The following ADGRB3 variants were observed in gnomAD, a reference collection of about 807,000 sequenced individuals.
ADGRB3 encodes the protein brain-specific angiogenesis inhibitor 3.
A neutral mutation model predicts 193.4 loss-of-function variants in ADGRB3; 37 were observed. The observed-to-expected ratio is 0.19, with a 90% confidence interval of 0.15 to 0.25. The LOEUF (loss-of-function observed/expected upper bound fraction) is 0.25. ADGRB3 is among the 10% of genes least tolerant of loss of function. ADGRB3 has a pLI of 1.00. For missense variants in ADGRB3, 1,637 were observed against 1,852.9 expected, an observed-to-expected ratio of 0.88 and a Z score of 2.14; for synonymous variants, 690 against 644.2, an observed-to-expected ratio of 1.07 and a Z score of -1.08.
chr6:69,218,084 AAG>A (rs1457802768), intron 17 of ADGRB3, among the ~76,000 whole-genome samples: 75 of 150,142 alleles, frequency 5.0e-4, no homozygotes, highest in South Asian at 4.6e-3. Context: ...AAAAAAAAAA[AAG>A]AAGAAGTCAA....
chr6:68,704,417 T>A (rs1765291695), intron 3 of ADGRB3, among the ~76,000 whole-genome samples: 1 of 152,226 alleles, frequency 6.6e-6, no homozygotes, highest in Non-Finnish European at 1.5e-5. Flanking sequence ...GCAACAAATT[T>A]GAATTCACCT....
intron 10 of ADGRB3, among the ~76,000 whole-genome samples, chr6:68,989,634 A>G (rs1193202205): frequency 6.6e-6 from 1 of 152,172 alleles, no homozygotes; most frequent in Non-Finnish European, 1.5e-5. Flanking sequence ...TTTACAGATA[A>G]ATGAAATAAT....
chr6:69,191,861 T>G (rs186880941), intron 17 of ADGRB3, among the ~76,000 whole-genome samples: 69 of 152,148 alleles, frequency 4.5e-4, no homozygotes, highest in African/African-American at 1.7e-3. Flanking sequence ...AGTACAAGAT[T>G]TGAGGGTTGG....
chr6:68,914,220 C>A (rs1239937210), intron 3 of ADGRB3, among the ~76,000 whole-genome samples: 1 of 150,394 alleles, frequency 6.6e-6, no homozygotes, highest in African/African-American at 2.4e-5. Context: ...TCGAGAAGAG[C>A]AACTCCAAGA....
chr6:69,067,234 G>C (rs889836366), intron 16 of ADGRB3, among the ~76,000 whole-genome samples: 1 of 152,084 alleles, frequency 6.6e-6, no homozygotes, highest in Admixed American at 6.6e-5. Context: ...TGAGATAAAT[G>C]CGTTATGTTT....
intron 20 of ADGRB3, among the ~76,000 whole-genome samples, chr6:69,294,920 A>G (rs758212242): frequency 9.3e-4 from 141 of 152,160 alleles, no homozygotes; most frequent in Non-Finnish European, 3.8e-4. Flanking sequence ...TTCATATTCT[A>G]TATCACCTTG....
intron 3 of ADGRB3, among the ~76,000 whole-genome samples, chr6:68,744,984 T>C (rs761075853): frequency 3.3e-5 from 5 of 152,054 alleles, no homozygotes; most frequent in Non-Finnish European, 7.4e-5. Context: ...AGGCCTCAAA[T>C]ACAATAAAAA....
intron 17 of ADGRB3, among the ~76,000 whole-genome samples, chr6:69,206,321 C>T (rs1765540088): frequency 6.6e-6 from 1 of 151,836 alleles, no homozygotes; most frequent in African/African-American, 2.4e-5. Flanking sequence ...TTGTGCCCAC[C>T]CAGATTAAGA....
At chr6:68,850,216 T>C (rs186130301) in intron 3 of ADGRB3, among the ~76,000 whole-genome samples, 6 of 151,696 alleles carry the variant, frequency 4.0e-5, no homozygotes, top group Admixed American at 3.3e-4. Context: ...TTGCTCTGTG[T>C]TTTTTTTAAT....
intron 3 of ADGRB3, among the ~76,000 whole-genome samples, chr6:68,792,591 A>G (rs1029603079): frequency 6.6e-6 from 1 of 152,126 alleles, no homozygotes; most frequent in Non-Finnish European, 1.5e-5. Flanking sequence ...ATACTTCAGG[A>G]ACATATTTCC....
intron 13 of ADGRB3, among the ~76,000 whole-genome samples, chr6:69,020,777 A>G (rs1770239516): frequency 6.6e-6 from 1 of 152,026 alleles, no homozygotes; most frequent in Admixed American, 6.6e-5. Context: ...ATGCTAGCTC[A>G]GGGACTGACT....
At chr6:69,232,440 A>G in intron 17 of ADGRB3, 1 of 1,495,668 alleles carries the variant, frequency 6.7e-7, no homozygotes, top group Non-Finnish European at 8.9e-7. Context: ...TACACCAAAG[A>G]GAAAATTGAA....
At chr6:68,726,080 C>T (rs958469441) in intron 3 of ADGRB3, among the ~76,000 whole-genome samples, 1 of 151,590 alleles carries the variant, frequency 6.6e-6, no homozygotes, top group Admixed American at 6.6e-5. Context: ...GACACCAGTT[C>T]ATGCAGTTAA....
chr6:69,157,689 A>C (rs1391218374), intron 17 of ADGRB3, among the ~76,000 whole-genome samples: 1 of 148,974 alleles, frequency 6.7e-6, no homozygotes, highest in Admixed American at 6.8e-5. Context: ...ATTGAAAGTA[A>C]TATCTCTCTG....
intron 5 of ADGRB3, among the ~76,000 whole-genome samples, chr6:68,941,532 C>T (rs1932613): frequency 0.14 from 21,383 of 151,614 alleles, 1,974 homozygotes; most frequent in Middle Eastern, 0.22. Context: ...TAGCATCTTC[C>T]TTTTTTTCTG....
At position 68,715,511 on chromosome 6, in the gene ADGRB3, T is replaced by C. The variant is rs1765475191; in HGVS notation, c.757+76079T>C. On this transcript the variant is annotated intron_variant, in intron 3 of 31. Coordinates refer to ENST00000370598, the MANE Select transcript of ADGRB3 (RefSeq NM_001704.3). ...ACTTTGCCATAGTCATGTGTACCAA[T>C]AAGTGATGTACCCATACTAGAGCCA... 2.6e-5 allele frequency among the ~76,000 whole-genome samples: 4 copies of C among 151,876 alleles called. No homozygotes were observed. The South Asian group carries it at 8.3e-4, about 31-fold the overall frequency.
chr6:69,009,139 G>A lies in ADGRB3; in HGVS notation c.1930-4899G>A, dbSNP rs941398882. Among the ~76,000 whole-genome samples the A allele has an allele frequency of 8.5e-5, 13 of 152,154 alleles. No individual in the cohort carries two copies. The East Asian group carries it at 2.3e-3, about 27-fold the overall frequency. ...GCTGCTGTGCCTGATGTTGTACACT[G>A]GGGGCACAAGAGTGAACAAAATAGA... On this transcript the variant is annotated intron_variant, in intron 11 of 31. Coordinates refer to ENST00000370598, the MANE Select transcript of ADGRB3 (RefSeq NM_001704.3).
intron 17 of ADGRB3, among the ~76,000 whole-genome samples, chr6:69,218,651 A>G (rs1408324541): frequency 6.6e-6 from 1 of 152,136 alleles, no homozygotes; most frequent in African/African-American, 2.4e-5. Context: ...GACTTTCTAT[A>G]GAGAATCTGT....
At chr6:69,074,220 T>C (rs1390738942) in intron 16 of ADGRB3, among the ~76,000 whole-genome samples, 2 of 152,168 alleles carry the variant, frequency 1.3e-5, no homozygotes, top group Non-Finnish European at 2.9e-5. Context: ...ACTGGGATGC[T>C]GCAATATTGG....
Sources: gnomAD v4.1 joint callset for allele counts (sites outside exome capture counted in the v4.1 genomes callset) on GRCh38, gnomAD v4.1.1 for gene constraint, MANE v1.5 for transcripts, NCBI Gene and HGNC (gene_info 2026-07-23, HGNC 2026-07-21) for gene names.